The following GNG4 variants were observed in gnomAD, a reference collection of about 807,000 sequenced individuals.
The protein encoded by GNG4 is G protein subunit gamma 4.
In GNG4, 4 loss-of-function variants were observed where a neutral mutation model predicts 5.8. The observed-to-expected ratio is 0.69, with a 90% CI of 0.34 to 1.57. The LOEUF (loss-of-function observed/expected upper bound fraction) is 1.57. GNG4 is among the 40% of genes most tolerant of loss of function. GNG4 has a pLI of 0.06. For synonymous variants in GNG4, 29 were observed against 32.9 expected, an observed-to-expected ratio of 0.88 and a Z score of 0.41; for missense variants, 96 against 95.1, an observed-to-expected ratio of 1.01 and a Z score of -0.04.
chr1:235,612,827 T>G (rs947215948), intron 1 of GNG4, among the ~76,000 whole-genome samples: 6 of 152,000 alleles, frequency 3.9e-5, no homozygotes, highest in Non-Finnish European at 7.4e-5. Flanking sequence ...CCGTCCTGGG[T>G]AGCTTTTAAA....
intron 2 of GNG4, among the ~76,000 whole-genome samples, chr1:235,590,876 G>A (rs1041778018): frequency 1.3e-5 from 2 of 152,206 alleles, no homozygotes; most frequent in African/African-American, 4.8e-5. Flanking sequence ...CGCATAGGAT[G>A]TCTCATGTAC....
At chr1:235,614,088 CA>C (rs1305249145) in intron 1 of GNG4, among the ~76,000 whole-genome samples, 1 of 152,256 alleles carries the variant, frequency 6.6e-6, no homozygotes, top group African/African-American at 2.4e-5. Context: ...GTTGGAATTA[CA>C]GGCGTGAGCC....
intron 3 of GNG4, among the ~76,000 whole-genome samples, chr1:235,568,450 T>A (rs1687255433): frequency 6.6e-6 from 1 of 152,228 alleles, no homozygotes; most frequent in Non-Finnish European, 1.5e-5. Flanking sequence ...TTAACATAAT[T>A]ATGCACATCT....
intron 3 of GNG4, among the ~76,000 whole-genome samples, chr1:235,583,231 C>G (rs1687683058): frequency 6.6e-6 from 1 of 152,178 alleles, no homozygotes; most frequent in African/African-American, 2.4e-5. Flanking sequence ...TTGCTGCAGT[C>G]CTCCCAGCGT....
At chr1:235,601,657 G>A (rs2102961971) in intron 1 of GNG4, among the ~76,000 whole-genome samples, 1 of 152,246 alleles carries the variant, frequency 6.6e-6, no homozygotes, top group South Asian at 2.1e-4. Flanking sequence ...CAGGGCAGGT[G>A]GCCCCTGGAT....
intron 1 of GNG4, among the ~76,000 whole-genome samples, chr1:235,626,235 T>C (rs2102979763): frequency 6.6e-6 from 1 of 152,360 alleles, no homozygotes; most frequent in South Asian, 2.1e-4. Flanking sequence ...AAGATGCCTT[T>C]TCAAAACTTT....
At chr1:235,587,737 C>T (rs67904247) in intron 2 of GNG4, among the ~76,000 whole-genome samples, 83,495 of 106,864 alleles carry the variant, frequency 0.78, 30,885 homozygotes, top group African/African-American at 0.93. Flanking sequence ...GGTCAGGGTT[C>T]AGGGTGGGGG....
intron 1 of GNG4, among the ~76,000 whole-genome samples, chr1:235,596,348 A>ACAAATATGGAGAAACCCTGTCTGC (rs1343282120): frequency 6.6e-6 from 1 of 151,732 alleles, no homozygotes; most frequent in Non-Finnish European, 1.5e-5. Flanking sequence ...GACCAGCCTG[A>ACAAATATGGAGAAACCCTGTCTGC]CAAATATGGA....
At chr1:235,570,433 G>A (rs183307642) in intron 3 of GNG4, among the ~76,000 whole-genome samples, 3 of 119,878 alleles carry the variant, frequency 2.5e-5, no homozygotes, top group East Asian at 5.3e-4. Context: ...GTTTCACTCC[G>A]TCACTCAGGC....
At chr1:235,590,636 C>T (rs2102950768) in intron 2 of GNG4, among the ~76,000 whole-genome samples, 1 of 152,270 alleles carries the variant, frequency 6.6e-6, no homozygotes, top group Admixed American at 6.5e-5. Flanking sequence ...AGGACAGTCA[C>T]CCTTGTTGCC....
chr1:235,598,396 C>A (rs1688176202), intron 1 of GNG4, among the ~76,000 whole-genome samples: 1 of 152,082 alleles, frequency 6.6e-6, no homozygotes, highest in Non-Finnish European at 1.5e-5. Flanking sequence ...ATTGTTTGAG[C>A]CCAGGAGTTC....
intron 1 of GNG4, among the ~76,000 whole-genome samples, chr1:235,633,335 C>T (rs1013175779): frequency 2.6e-5 from 4 of 152,144 alleles, no homozygotes; most frequent in Admixed American, 1.3e-4. Context: ...CCACAGATGA[C>T]AAGATCTGCC....
intron 3 of GNG4, among the ~76,000 whole-genome samples, chr1:235,576,204 G>A (rs1041660856): frequency 1.8e-4 from 27 of 149,022 alleles, no homozygotes; most frequent in Non-Finnish European, 4.4e-5. Context: ...GGGACTACAG[G>A]CGCGTGCCAC....
intron 1 of GNG4, among the ~76,000 whole-genome samples, chr1:235,600,240 G>T (rs1688230091): frequency 6.7e-6 from 1 of 150,246 alleles, no homozygotes; most frequent in Non-Finnish European, 1.5e-5. Flanking sequence ...TCAGTCACTC[G>T]AGTAGCTGGG....
intron 1 of GNG4, among the ~76,000 whole-genome samples, chr1:235,627,731 G>A (rs538967213): frequency 2.0e-5 from 3 of 152,132 alleles, no homozygotes; most frequent in Non-Finnish European, 4.4e-5. Flanking sequence ...GAAGGCTTCC[G>A]GGTATGTTAA....
intron 1 of GNG4, among the ~76,000 whole-genome samples, chr1:235,645,797 C>CAAAAAAAAAA (rs6143682): frequency 1.1e-5 from 1 of 90,388 alleles, no homozygotes; most frequent in African/African-American, 4.1e-5. Flanking sequence ...AACTCAGTCT[C>CAAAAAAAAAA]AAAAAAAAAA....
intron 1 of GNG4, among the ~76,000 whole-genome samples, chr1:235,640,269 G>C (rs1571927929): frequency 6.6e-6 from 1 of 152,236 alleles, no homozygotes; most frequent in East Asian, 1.9e-4. Context: ...AGGCAGGTTG[G>C]GGGGAATCAG....
At chr1:235,567,365 T>C (rs1687225379) in intron 3 of GNG4, among the ~76,000 whole-genome samples, 1 of 152,174 alleles carries the variant, frequency 6.6e-6, no homozygotes, top group Non-Finnish European at 1.5e-5. Flanking sequence ...AGTATATAGT[T>C]CAGTAGTATT....
intron 2 of GNG4, among the ~76,000 whole-genome samples, chr1:235,586,458 C>T (rs1348965906): frequency 6.6e-6 from 1 of 152,150 alleles, no homozygotes; most frequent in Non-Finnish European, 1.5e-5. Context: ...GTCTAGTTCC[C>T]AACCCTTCCC....
Sources: allele counts gnomAD v4.1 joint callset (sites outside exome capture counted in the v4.1 genomes callset), GRCh38; gene constraint gnomAD v4.1.1; transcripts MANE v1.5; gene names NCBI Gene and HGNC (gene_info 2026-07-23, HGNC 2026-07-21).